Variants in RCAN2 observed in about 807,000 individuals in gnomAD.
The protein encoded by RCAN2 is calcipressin-2.
Under a neutral mutation model 23.6 loss-of-function variants are expected in RCAN2, and 9 were observed. The observed-to-expected ratio is 0.38, with a 90% CI of 0.23 to 0.67. The LOEUF (loss-of-function observed/expected upper bound fraction) is 0.67, where lower values mean the gene tolerates loss of function less well. Ranked by LOEUF, RCAN2 falls within the 30% of genes least tolerant of loss-of-function variation. The pLI is 0.51. For synonymous variants in RCAN2, 109 were observed against 115.7 expected (o/e 0.94, Z 0.37); for missense variants, 273 against 302.3 (o/e 0.90, Z 0.72).
intron 1 of RCAN2, among the ~76,000 whole-genome samples, chr6:46,485,501 C>G (rs1335026241): frequency 6.6e-6 from 1 of 152,106 alleles, no homozygotes; most frequent in Non-Finnish European, 1.5e-5. Context: ...TTCTAGAAAG[C>G]ACATATGTCC....
At chr6:46,286,485 T>C (rs879394115) in intron 2 of RCAN2, among the ~76,000 whole-genome samples, 6 of 152,180 alleles carry the variant, frequency 3.9e-5, no homozygotes, top group Admixed American at 3.3e-4. Flanking sequence ...TACACAATTA[T>C]GCTGATTTCT....
chr6:46,233,461 G>A (rs1297023231), intron 4 of RCAN2, among the ~76,000 whole-genome samples: 1 of 152,098 alleles, frequency 6.6e-6, no homozygotes. Flanking sequence ...TCTGTGGATG[G>A]GGAGTGCATT....
intron 2 of RCAN2, among the ~76,000 whole-genome samples, chr6:46,294,255 T>G (rs1373585624): frequency 2.6e-5 from 4 of 152,182 alleles, no homozygotes; most frequent in Non-Finnish European, 5.9e-5. Context: ...CATGCTCAAC[T>G]TCACTTAGAA....
At chr6:46,360,533 C>CAAAAAAAAAAA (rs765916099) in intron 2 of RCAN2, among the ~76,000 whole-genome samples, 1 of 33,492 alleles carries the variant, frequency 3.0e-5, no homozygotes, top group Non-Finnish European at 5.0e-5. Flanking sequence ...GACTCCGTCT[C>CAAAAAAAAAAA]AAAAAAAAAA....
At chr6:46,450,737 A>G (rs544287669) in intron 2 of RCAN2, among the ~76,000 whole-genome samples, 1 of 152,208 alleles carries the variant, frequency 6.6e-6, no homozygotes, top group Admixed American at 6.5e-5. Flanking sequence ...TAAAAATGTC[A>G]GACACATAGA....
intron 2 of RCAN2, among the ~76,000 whole-genome samples, chr6:46,297,615 G>C (rs1308231105): frequency 6.6e-6 from 1 of 152,024 alleles, no homozygotes; most frequent in African/African-American, 2.4e-5. Flanking sequence ...ATTCCATGAA[G>C]GACCAAATTA....
At chr6:46,383,044 T>A (rs1240570305) in intron 2 of RCAN2, among the ~76,000 whole-genome samples, 1 of 152,112 alleles carries the variant, frequency 6.6e-6, no homozygotes, top group Non-Finnish European at 1.5e-5. Flanking sequence ...AGGCGTCTAG[T>A]AGGAGAGACA....
chr6:46,252,185 C>T (rs763855445), intron 2 of RCAN2, among the ~76,000 whole-genome samples: 15 of 152,058 alleles, frequency 9.9e-5, no homozygotes, highest in Non-Finnish European at 1.9e-4. Context: ...GAGGCAGATC[C>T]AGCACAATGA....
chr6:46,256,867 TG>T, intron 2 of RCAN2, among the ~76,000 whole-genome samples: 1 of 152,350 alleles, frequency 6.6e-6, no homozygotes, highest in African/African-American at 2.4e-5. Context: ...CATAGATCCT[TG>T]AATATCACAA....
At chr6:46,252,115 T>C (rs1163048789) in intron 2 of RCAN2, among the ~76,000 whole-genome samples, 1 of 152,168 alleles carries the variant, frequency 6.6e-6, no homozygotes, top group Non-Finnish European at 1.5e-5. Flanking sequence ...TTTGTTTCCA[T>C]TGGTGACATT....
chr6:46,278,488 AC>A (rs1407193758), intron 2 of RCAN2, among the ~76,000 whole-genome samples: 1 of 152,162 alleles, frequency 6.6e-6, no homozygotes, highest in Admixed American at 6.6e-5. Flanking sequence ...TTATATATTT[AC>A]TAAAATCAAG....
At chr6:46,295,184 C>T (rs1011373816) in intron 2 of RCAN2, among the ~76,000 whole-genome samples, 9 of 152,100 alleles carry the variant, frequency 5.9e-5, no homozygotes, top group Admixed American at 1.3e-4. Context: ...TATCTCCCTC[C>T]GCATGCTTTG....
At chr6:46,480,718 T>C (rs4714939) in intron 1 of RCAN2, among the ~76,000 whole-genome samples, 104,338 of 151,872 alleles carry the variant, frequency 0.69, 35,834 homozygotes, top group South Asian at 0.78. Context: ...CTCTGCCTCC[T>C]GGGTTCACGC....
intron 2 of RCAN2, among the ~76,000 whole-genome samples, chr6:46,417,129 C>G (rs1038583670): frequency 1.3e-5 from 2 of 152,154 alleles, no homozygotes; most frequent in South Asian, 2.1e-4. Flanking sequence ...ATGGAGAATA[C>G]ATGTGTCATA....
At chr6:46,349,715 G>A (rs1266806338) in intron 2 of RCAN2, among the ~76,000 whole-genome samples, 1 of 152,038 alleles carries the variant, frequency 6.6e-6, no homozygotes, top group Non-Finnish European at 1.5e-5. Context: ...GAAAATCTCA[G>A]ATTCTGACCA....
chr6:46,371,198 C>T (rs1001782458), intron 2 of RCAN2, among the ~76,000 whole-genome samples: 48 of 152,120 alleles, frequency 3.2e-4, no homozygotes, highest in Non-Finnish European at 1.0e-4. Context: ...CCTTTCCCCC[C>T]AGATTTACCA....
At position 46,222,014 on chromosome 6, in the gene RCAN2, G is replaced by A. The variant is rs1235469589; in HGVS notation, c.*1127C>T. ...ACATGCTCAGCTGCTGCTGCATTCT[G>A]GGGATTTAGCTTCATCCCAATAATC... On this transcript the variant is annotated 3_prime_UTR_variant, in exon 5 of 5. Transcript: ENST00000371374. The A allele has an allele frequency of 2.5e-6, 1 of 398,344 alleles. No individual in the cohort carries two copies. The highest frequency in any genetic ancestry group is 4.4e-5 in the Admixed American group (1 of 22,714). The allele number at this position is 398,344 out of a possible 1,614,324, so 24.7% of individuals were successfully genotyped here. A position where few individuals can be genotyped will look rare whatever the true frequency, so the allele number is the denominator to read the frequency against.
chr6:46,441,237 C>A (rs913791789), intron 2 of RCAN2, among the ~76,000 whole-genome samples: 72 of 152,254 alleles, frequency 4.7e-4, no homozygotes, highest in African/African-American at 1.6e-3. Context: ...GTTGTTAACA[C>A]CATTTTATAA....
chr6:46,440,687 A>G (rs1767513801), intron 2 of RCAN2, among the ~76,000 whole-genome samples: 1 of 152,148 alleles, frequency 6.6e-6, no homozygotes, highest in Non-Finnish European at 1.5e-5. Context: ...ATGACTGAAT[A>G]TTAATTTTTA....
Sources: allele counts gnomAD v4.1 joint callset (sites outside exome capture counted in the v4.1 genomes callset), GRCh38; gene constraint gnomAD v4.1.1; transcripts MANE v1.5; gene names NCBI Gene and HGNC (gene_info 2026-07-23, HGNC 2026-07-21).